DSTYK: variants seen among roughly 807,000 people sequenced by gnomAD.
The protein encoded by DSTYK is dual serine/threonine and tyrosine protein kinase.
A neutral mutation model predicts 98.7 loss-of-function variants in DSTYK; 34 were observed. The ratio of observed to expected loss-of-function variants is 0.34; its 90% CI spans 0.26 to 0.46. The LOEUF (loss-of-function observed/expected upper bound fraction) is 0.46, where lower values mean the gene tolerates loss of function less well. DSTYK is among the 20% of genes least tolerant of loss of function. The pLI is 1.00. For synonymous variants in DSTYK, 462 were observed against 457.3 expected (o/e 1.01, Z -0.13); for missense variants, 962 against 1,181.7 (o/e 0.81, Z 2.73).
Position 205,169,103 on chromosome 1 carries a change from C to T in DSTYK, c.1324+60G>A. ...AGGAATTAACGTTCTTAATTTCCGG[C>T]TAGAAAATGGTTAGAGACTCCTCCC... On this transcript the variant is annotated intron_variant, in intron 3 of 12. Transcript: ENST00000367162. This position sits in a 1 kb window ranked among gnomAD's most constrained non-coding sequence, Gnocchi z 4.0. The T allele has an allele frequency of 1.4e-6, 2 of 1,396,780 alleles. No homozygotes were observed. The highest frequency in any genetic ancestry group is 9.8e-7 in the Non-Finnish European group (1 of 1,022,986). The allele number at this position is 1,396,780 out of a possible 1,614,324, so 86.5% of individuals were successfully genotyped here. A position where few individuals can be genotyped will look rare whatever the true frequency, so the allele number is the denominator to read the frequency against.
At chr1:205,171,642 C>A (rs1658068463) in intron 2 of DSTYK, among the ~76,000 whole-genome samples, 2 of 152,106 alleles carry the variant, frequency 1.3e-5, no homozygotes, top group Non-Finnish European at 2.9e-5. Context: ...CTCTGTGTCT[C>A]TGACATTGTC....
At chr1:205,209,315 T>A (rs1022836879) in intron 1 of DSTYK, among the ~76,000 whole-genome samples, 18 of 152,202 alleles carry the variant, frequency 1.2e-4, no homozygotes, top group Admixed American at 7.9e-4. Context: ...GAGACACCTC[T>A]GGAAAGCACT....
At position 205,169,447 on chromosome 1, in the gene DSTYK, G is replaced by A. The variant is rs1386696675; in HGVS notation, c.1040C>T (p.Ser347Phe). The A allele has an allele frequency of 1.2e-6, 2 of 1,614,186 alleles. No individual in the cohort carries two copies. The highest frequency in any genetic ancestry group is 4.5e-5 in the East Asian group (2 of 44,880). Reference protein sequence around the residue: ...SEKLRHLSTFSHQVLQTRLVD... With the variant: ...SEKLRHLSTFFHQVLQTRLVD... ...CAGGCGAGTCTGTAACACCTGGTGA[G>A]AAAATGTGCTCAAGTGTCTCAGCTT... Residue 347 changes from serine (S) to phenylalanine (F), a missense_variant, in exon 3 of 13, where the codon TCT becomes TTT. Physicochemically the swap from Ser to Phe is radical, Grantham distance 155. Coordinates refer to ENST00000367162, the MANE Select transcript of DSTYK (RefSeq NM_015375.3). The surrounding 1 kb of genome is among the most constrained non-coding windows in gnomAD (Gnocchi z 4.0).
At chr1:205,194,989 ATT>A (rs964750887) in intron 1 of DSTYK, among the ~76,000 whole-genome samples, 12 of 138,460 alleles carry the variant, frequency 8.7e-5, no homozygotes, top group South Asian at 2.3e-4. Context: ...AGTGCCACTA[ATT>A]TTTTTTTTTT....
At chr1:205,160,778 G>A (rs1657695077) in intron 7 of DSTYK, among the ~76,000 whole-genome samples, 1 of 143,994 alleles carries the variant, frequency 6.9e-6, no homozygotes, top group Non-Finnish European at 1.5e-5. Context: ...GTGGTTTTTT[G>A]TTTTTTGTTG....
intron 2 of DSTYK, among the ~76,000 whole-genome samples, chr1:205,186,014 C>G (rs907919614): frequency 6.6e-6 from 1 of 151,716 alleles, no homozygotes; most frequent in Non-Finnish European, 1.5e-5. Flanking sequence ...CAGAGAGAGA[C>G]TCCATCTCAA....
intron 2 of DSTYK, 24 bp downstream of exon 2, chr1:205,187,394 G>T (rs751238750): frequency 6.4e-7 from 1 of 1,574,068 alleles, no homozygotes; most frequent in Non-Finnish European, 8.6e-7. Flanking sequence ...GTATACAATT[G>T]GTATAGAAGT....
intron 1 of DSTYK, among the ~76,000 whole-genome samples, chr1:205,210,011 C>T (rs932445965): frequency 6.6e-6 from 1 of 152,048 alleles, no homozygotes; most frequent in Non-Finnish European, 1.5e-5. Flanking sequence ...AGCGATTCTC[C>T]TGCCTCAGCC....
chr1:205,170,908 G>C (rs996246766), intron 2 of DSTYK, among the ~76,000 whole-genome samples: 10 of 151,952 alleles, frequency 6.6e-5, no homozygotes, highest in Non-Finnish European at 8.8e-5. Context: ...AGGCAAACCT[G>C]ATGGTGGAAG....
intron 1 of DSTYK, among the ~76,000 whole-genome samples, chr1:205,189,616 C>G (rs980162622): frequency 6.6e-6 from 1 of 152,180 alleles, no homozygotes; most frequent in African/African-American, 2.4e-5. Context: ...GGTTCTACTT[C>G]AGAGTGAACC....
intron 1 of DSTYK, among the ~76,000 whole-genome samples, chr1:205,210,396 T>C (rs968962612): frequency 1.3e-5 from 2 of 151,620 alleles, no homozygotes; most frequent in South Asian, 4.2e-4. Context: ...CCAAGATATC[T>C]ATCTACGTGG....
At chr1:205,187,328 T>C (rs576211399) in intron 2 of DSTYK, 90 bp downstream of exon 2, 38 of 1,408,860 alleles carry the variant, frequency 2.7e-5, no homozygotes, top group Non-Finnish European at 3.5e-5. Flanking sequence ...GTTCAGACTA[T>C]ATATCATCGA....
chr1:205,210,494 A>C (rs567547026), intron 1 of DSTYK, among the ~76,000 whole-genome samples: 1 of 152,198 alleles, frequency 6.6e-6, no homozygotes, highest in Non-Finnish European at 1.5e-5. Context: ...CACCAACAGC[A>C]GTTTAAAAGG....
intron 2 of DSTYK, among the ~76,000 whole-genome samples, chr1:205,174,005 C>T (rs1337499594): frequency 2.6e-5 from 4 of 152,056 alleles, no homozygotes; most frequent in Admixed American, 2.6e-4. Context: ...TAGGCGTGAG[C>T]CACCATGCCT....
At chr1:205,151,692 TC>T (rs869291315) in intron 10 of DSTYK, among the ~76,000 whole-genome samples, 561 of 50,260 alleles carry the variant, frequency 0.011, 5 homozygotes, top group Non-Finnish European at 0.028. Flanking sequence ...TTATAGGCTT[TC>T]TTTTTTTTTT....
chr1:205,147,279 T>A lies in DSTYK; in HGVS notation c.*279A>T. 1 of 301,022 alleles carries A rather than the reference T, an allele frequency of 3.3e-6. No homozygotes were observed. Among genetic ancestry groups the A allele is most frequent in the African/African-American group, 2.1e-5 (1 of 48,218 alleles). 18.6% of individuals were successfully genotyped at this position (301,022 alleles called of 1,614,324 possible). A position where few individuals can be genotyped will look rare whatever the true frequency, so the allele number is the denominator to read the frequency against. ...ATGGTAACATCTGCCTCCTTTTCAT[T>A]TGTGAAGCCAGAACACCACATTCCT... On this transcript the variant is annotated 3_prime_UTR_variant, in exon 13 of 13. Coordinates refer to ENST00000367162, the MANE Select transcript of DSTYK (RefSeq NM_015375.3).
At chr1:205,206,007 G>A (rs1237574249) in intron 1 of DSTYK, among the ~76,000 whole-genome samples, 1 of 152,194 alleles carries the variant, frequency 6.6e-6, no homozygotes, top group Admixed American at 6.5e-5. Context: ...TACCTTTCTA[G>A]AGGACCAAGT....
At chr1:205,210,347 C>G (rs1431257719) in intron 1 of DSTYK, among the ~76,000 whole-genome samples, 2 of 152,096 alleles carry the variant, frequency 1.3e-5, no homozygotes, top group Non-Finnish European at 2.9e-5. Flanking sequence ...GTTTGAGAAT[C>G]ACTAAATTAA....
intron 2 of DSTYK, among the ~76,000 whole-genome samples, chr1:205,183,654 C>G (rs1658483720): frequency 6.6e-6 from 1 of 152,184 alleles, no homozygotes; most frequent in South Asian, 2.1e-4. Flanking sequence ...GATGGAAGGG[C>G]TGTTTAGAGC....
Sources: allele counts gnomAD v4.1 joint callset (sites outside exome capture counted in the v4.1 genomes callset), GRCh38; gene constraint gnomAD v4.1.1; non-coding constraint Gnocchi (gnomAD v3.1); transcripts MANE v1.5; gene names NCBI Gene and HGNC (gene_info 2026-07-23, HGNC 2026-07-21).